HYCC2: variants seen among roughly 807,000 people sequenced by gnomAD.
HYCC2 encodes hyccin PI4KA lipid kinase complex subunit 2, also known as hyccin 2.
At chr2:200,999,174 G>GA in the HYCC2 span, among the ~76,000 whole-genome samples, 6 of 152,130 alleles carry the variant, frequency 3.9e-5, no homozygotes, top group Admixed American at 2.6e-4. Flanking sequence ...ACCACTCTAA[G>GA]AAGAAAGACT....
the HYCC2 span, among the ~76,000 whole-genome samples, chr2:201,040,546 T>G: frequency 9.9e-5 from 15 of 151,872 alleles, no homozygotes; most frequent in South Asian, 4.2e-4. Context: ...TGGAGTGCAG[T>G]GGCAAAATCT....
At chr2:200,981,190 A>G in the HYCC2 span, 7 of 1,485,538 alleles carry the variant, frequency 4.7e-6, no homozygotes, top group Middle Eastern at 1.8e-4. This position sits in a 1 kb window ranked among gnomAD's most constrained non-coding sequence, Gnocchi z 4.5. Flanking sequence ...ATATTTTCAC[A>G]ATGTGGGATG....
At chr2:200,990,919 GCTGGTCT>G in the HYCC2 span, among the ~76,000 whole-genome samples, 13 of 150,666 alleles carry the variant, frequency 8.6e-5, no homozygotes, top group African/African-American at 3.2e-4. Flanking sequence ...CGTTGGCCAG[GCTGGTCT>G]TGAACTTGTG....
the HYCC2 span, among the ~76,000 whole-genome samples, chr2:201,005,042 A>G: frequency 6.6e-6 from 1 of 152,086 alleles, no homozygotes; most frequent in East Asian, 1.9e-4. Context: ...AAAAAGACCA[A>G]AAGTCCAACA....
chr2:201,012,327 A>T, the HYCC2 span, among the ~76,000 whole-genome samples: 45 of 152,056 alleles, frequency 3.0e-4, no homozygotes, highest in Admixed American at 5.9e-4. Context: ...TGGGCATGGT[A>T]TCGCAGGCCT....
At chr2:201,024,809 C>T in the HYCC2 span, among the ~76,000 whole-genome samples, 4 of 152,012 alleles carry the variant, frequency 2.6e-5, no homozygotes, top group Admixed American at 6.6e-5. Context: ...AAAACAGATC[C>T]ATAAATTTTC....
the HYCC2 span, chr2:200,981,284 T>C: frequency 2.5e-6 from 4 of 1,613,436 alleles, no homozygotes; most frequent in Non-Finnish European, 3.4e-6. The surrounding 1 kb of genome is among the most constrained non-coding windows in gnomAD (Gnocchi z 4.5). Flanking sequence ...ACCTGGGATA[T>C]TAGCTGCATA....
At chr2:201,059,965 A>G in the HYCC2 span, among the ~76,000 whole-genome samples, 1 of 144,064 alleles carries the variant, frequency 6.9e-6, no homozygotes, top group Middle Eastern at 3.7e-3. Context: ...AATCACTTGA[A>G]CCCGGGAGGC....
At chr2:201,044,894 CTG>C in the HYCC2 span, among the ~76,000 whole-genome samples, 1 of 152,138 alleles carries the variant, frequency 6.6e-6, no homozygotes, top group Non-Finnish European at 1.5e-5. Flanking sequence ...GCAAAACTAA[CTG>C]TGGTAAGTGC....
chr2:201,049,408 G>C, the HYCC2 span, among the ~76,000 whole-genome samples: 1 of 151,864 alleles, frequency 6.6e-6, no homozygotes, highest in Non-Finnish European at 1.5e-5. Flanking sequence ...GGAGTGCACT[G>C]GCGCGATCTT....
chr2:201,044,380 G>C, the HYCC2 span, among the ~76,000 whole-genome samples: 1 of 152,192 alleles, frequency 6.6e-6, no homozygotes, highest in Non-Finnish European at 1.5e-5. Context: ...CACTGTACCA[G>C]AGATGGTAAT....
chr2:201,063,645 T>C, the HYCC2 span: 2 of 1,574,886 alleles, frequency 1.3e-6, no homozygotes, highest in African/African-American at 2.7e-5. Flanking sequence ...AAGCAAGAGA[T>C]GACTAGTGCT....
At chr2:201,011,333 CTTT>C in the HYCC2 span, 10 of 1,014,144 alleles carry the variant, frequency 9.9e-6, no homozygotes, top group Admixed American at 2.7e-5. Context: ...AAGAAACTGA[CTTT>C]TTGATTTGTT....
the HYCC2 span, chr2:200,977,136 A>G: frequency 6.6e-6 from 1 of 152,236 alleles, no homozygotes; most frequent in African/African-American, 2.4e-5. Context: ...TATACTTAAC[A>G]TTTCCAACAT....
the HYCC2 span, among the ~76,000 whole-genome samples, chr2:201,048,903 G>A: frequency 6.6e-6 from 1 of 152,022 alleles, no homozygotes; most frequent in African/African-American, 2.4e-5. Context: ...CTTGAGCTCA[G>A]GAGTTCAAGA....
the HYCC2 span, among the ~76,000 whole-genome samples, chr2:201,036,948 G>A: frequency 0.047 from 7,192 of 152,268 alleles, 547 homozygotes; most frequent in African/African-American, 0.16. Context: ...AAAAGAGGAA[G>A]TCAAATTGTC....
At chr2:201,043,007 G>A in the HYCC2 span, among the ~76,000 whole-genome samples, 1 of 152,134 alleles carries the variant, frequency 6.6e-6, no homozygotes, top group African/African-American at 2.4e-5. Context: ...GGAAATGTGG[G>A]GAAAAGAGAG....
At chr2:201,069,541 GAAACAC>G in the HYCC2 span, among the ~76,000 whole-genome samples, 1 of 89,380 alleles carries the variant, frequency 1.1e-5, no homozygotes, top group Non-Finnish European at 2.2e-5. Context: ...TACATAAGAA[GAAACAC>G]ACACACACAC....
At chr2:201,000,970 CAAAAAAA>C in the HYCC2 span, among the ~76,000 whole-genome samples, 173 of 58,162 alleles carry the variant, frequency 3.0e-3, no homozygotes, top group African/African-American at 0.011. Flanking sequence ...CCTGTCTCTA[CAAAAAAA>C]AAAAAAAAAA....
Sources: allele counts gnomAD v4.1 joint callset (sites outside exome capture counted in the v4.1 genomes callset), GRCh38; gene constraint gnomAD v4.1.1; non-coding constraint Gnocchi (gnomAD v3.1); transcripts MANE v1.5; gene names NCBI Gene and HGNC (gene_info 2026-07-23, HGNC 2026-07-21).